NIPSNAP2: variants seen among roughly 807,000 people sequenced by gnomAD.
NIPSNAP2 encodes protein NipSnap homolog 2.
In NIPSNAP2, 42 loss-of-function variants were observed where a neutral mutation model predicts 48.4. The observed-to-expected ratio is 0.87, with a 90% CI of 0.68 to 1.12. The LOEUF (loss-of-function observed/expected upper bound fraction) is 1.12. Among genes scored for constraint, NIPSNAP2 ranks in the 50% most tolerant of loss-of-function variants. The pLI, the probability that NIPSNAP2 is intolerant of heterozygous loss-of-function variation, is 0.00. For synonymous variants in NIPSNAP2, 158 were observed against 126.6 expected (o/e 1.25, Z -1.67); for missense variants, 314 against 347.3 (o/e 0.90, Z 0.76).
At chr7:55,984,264 C>T (rs1787282397) in intron 6 of NIPSNAP2, among the ~76,000 whole-genome samples, 1 of 152,108 alleles carries the variant, frequency 6.6e-6, no homozygotes, top group Non-Finnish European at 1.5e-5. Context: ...AATTTTCCTA[C>T]TGAGGACTAG....
At chr7:55,990,608 G>C (rs1475579455) in intron 7 of NIPSNAP2, among the ~76,000 whole-genome samples, 1 of 152,022 alleles carries the variant, frequency 6.6e-6, no homozygotes, top group Admixed American at 6.6e-5. Flanking sequence ...TTCTTTGGCA[G>C]CTTGCTATTT....
In NIPSNAP2 at chr7:55,964,601, C is replaced by T; in HGVS notation, c.-9C>T. The T allele has an allele frequency of 9.8e-7, 1 of 1,017,722 alleles. No homozygotes were observed. Among genetic ancestry groups the T allele is most frequent in the Non-Finnish European group, 1.2e-6 (1 of 852,330 alleles). 63.0% of individuals were successfully genotyped at this position (1,017,722 alleles called of 1,614,324 possible). On this transcript the variant is annotated 5_prime_UTR_variant, in exon 1 of 10. Coordinates refer to ENST00000322090, the MANE Select transcript of NIPSNAP2 (RefSeq NM_001483.3). ...CGCCCGGGCGGTGGGAGCCGAGGCG[C>T]CGAGCAAGATGGCGGCGCGAGTGCT...
chr7:55,967,384 G>A (rs1310356333), intron 1 of NIPSNAP2, among the ~76,000 whole-genome samples: 1 of 152,142 alleles, frequency 6.6e-6, no homozygotes, highest in Non-Finnish European at 1.5e-5. Context: ...CATCTTCACT[G>A]CCCTAGCTCA....
intron 7 of NIPSNAP2, chr7:55,991,772 A>G (rs1401235270): frequency 3.4e-5 from 7 of 208,172 alleles, no homozygotes; most frequent in South Asian, 7.8e-5. Flanking sequence ...AAAAATATAT[A>G]TATATATATA....
intron 3 of NIPSNAP2, chr7:55,980,225 A>G (rs1787185823): frequency 5.6e-6 from 1 of 177,554 alleles, no homozygotes; most frequent in Admixed American, 5.6e-5. Flanking sequence ...TCCTAATTTA[A>G]AAAGTAAATG....
intron 1 of NIPSNAP2, among the ~76,000 whole-genome samples, chr7:55,967,996 C>T (rs1786933112): frequency 6.6e-6 from 1 of 151,926 alleles, no homozygotes; most frequent in South Asian, 2.1e-4. Context: ...GCTATGTTCC[C>T]CAGGCTAGTC....
rs1381271143 is a variant in NIPSNAP2, at chr7:55,983,791, T to C, written c.508T>C (p.Leu170=). Residue 170 remains leucine (L), a synonymous_variant, in exon 6 of 10, where the codon TTG becomes CTG. Coordinates refer to ENST00000322090, the MANE Select transcript of NIPSNAP2 (RefSeq NM_001483.3). ...TCTCTCCAGGAAGAATCAGCTCCTG[T>C]TGGAGTTCAGTTTCTGGAATGAGCC... ...MLLSRKNQLL[L]EFSFWNEPVP... is the part of the protein sequence containing the mutation. 4.3e-6 allele frequency: 7 copies of C among 1,614,102 alleles called. No homozygotes were observed. Among genetic ancestry groups the C allele is most frequent in the Non-Finnish European group, 5.9e-6 (7 of 1,179,964 alleles).
At chr7:55,969,345 G>A (rs1420228680) in intron 1 of NIPSNAP2, among the ~76,000 whole-genome samples, 1 of 151,164 alleles carries the variant, frequency 6.6e-6, no homozygotes, top group African/African-American at 2.4e-5. Context: ...TCTCCCCCGG[G>A]TCTGTGCTTC....
chr7:55,995,034 T>G, intron 8 of NIPSNAP2, 46 bp downstream of exon 8: 1 of 1,444,086 alleles, frequency 6.9e-7, no homozygotes, highest in Non-Finnish European at 9.8e-7. Flanking sequence ...AAGAGTTCAT[T>G]ACTAAGTTGT....
At chr7:55,985,730 A>G in intron 7 of NIPSNAP2, among the ~76,000 whole-genome samples, 1 of 141,184 alleles carries the variant, frequency 7.1e-6, no homozygotes, top group Admixed American at 7.5e-5. Flanking sequence ...TGGGCAACAG[A>G]GTGAGACCCT....
At chr7:55,989,402 A>T (rs1273398814) in intron 7 of NIPSNAP2, among the ~76,000 whole-genome samples, 1 of 152,144 alleles carries the variant, frequency 6.6e-6, no homozygotes, top group African/African-American at 2.4e-5. Context: ...AGGTGGGAGG[A>T]TCCCTTGAGC....
intron 8 of NIPSNAP2, among the ~76,000 whole-genome samples, chr7:55,996,183 T>A (rs902379622): frequency 1.3e-5 from 2 of 150,238 alleles, no homozygotes; most frequent in Non-Finnish European, 3.0e-5. Context: ...GTACACAAGA[T>A]GCTGAGGCAG....
rs74426507 is a variant in NIPSNAP2, at chr7:55,979,674, A to G, written c.278+1279A>G. 1,163 of 431,438 alleles carry G rather than the reference A, an allele frequency of 2.7e-3. 22 individuals carry two copies. The highest frequency in any genetic ancestry group is 0.013 in the East Asian group (179 of 14,296). The allele number at this position is 431,438 out of a possible 1,614,324, so 26.7% of individuals were successfully genotyped here. Reference sequence around the variant, plus strand: ...CTGTGTCTCCTTCCTGCCCTGCAATACATTACCCCAAAGTTTGTCAGATTG... The same window carrying G: ...CTGTGTCTCCTTCCTGCCCTGCAATGCATTACCCCAAAGTTTGTCAGATTG... On this transcript the variant is annotated intron_variant, in intron 3 of 9. Coordinates refer to ENST00000322090, the MANE Select transcript of NIPSNAP2 (RefSeq NM_001483.3).
At chr7:55,982,898 A>G (rs1787246663) in intron 5 of NIPSNAP2, among the ~76,000 whole-genome samples, 1 of 152,114 alleles carries the variant, frequency 6.6e-6, no homozygotes, top group Admixed American at 6.6e-5. Context: ...CAAGGCAGGC[A>G]TATCAGTTGA....
chr7:55,975,905 G>A (rs1787098016), intron 1 of NIPSNAP2, among the ~76,000 whole-genome samples: 1 of 152,150 alleles, frequency 6.6e-6, no homozygotes, highest in Non-Finnish European at 1.5e-5. Flanking sequence ...GTGCACGGTG[G>A]CACACCATGT....
At chr7:55,993,535 T>G (rs1175436422) in intron 7 of NIPSNAP2, among the ~76,000 whole-genome samples, 1 of 146,968 alleles carries the variant, frequency 6.8e-6, no homozygotes, top group Non-Finnish European at 1.5e-5. Flanking sequence ...GCCAAGATCG[T>G]ACCATTGCAT....
chr7:55,981,783 C>T (rs903227340), intron 4 of NIPSNAP2: 5 of 479,848 alleles, frequency 1.0e-5, no homozygotes, highest in Non-Finnish European at 1.5e-5. Context: ...TGATGTAACT[C>T]ATAGGCCAAA....
rs1786851228 is a variant in NIPSNAP2 at position 55,964,638 on chromosome 7, G to T, written c.29G>T (p.Gly10Val). ...GCGGCGCGAGTGCTGCGCGCCCGCG[G>T]AGCGGCCTGGGCCGGCGGCCTCCTG... MAARVLRAR[G>V]AAWAGGLLQR... Residue 10 changes from glycine (G) to valine (V), a missense_variant, in exon 1 of 10, where the codon GGA (glycine) becomes GTA (valine). Transcript: ENST00000322090. 1 of 1,078,536 alleles carries T rather than the reference G, an allele frequency of 9.3e-7. No individual in the cohort carries two copies. Among genetic ancestry groups the T allele is most frequent in the Non-Finnish European group, 1.1e-6 (1 of 891,208 alleles). 66.8% of individuals were successfully genotyped at this position (1,078,536 alleles called of 1,614,324 possible). A position where few individuals can be genotyped will look rare whatever the true frequency, so the allele number is the denominator to read the frequency against.
chr7:55,995,947 C>A lies in NIPSNAP2; in HGVS notation c.712+959C>A, dbSNP rs201226669. ...GAGCTATGACTGTGCCACTGCACTC[C>A]AGTCTGGGCAAATAGAGCAAGACCC... On this transcript the variant is annotated intron_variant, in intron 8 of 9. Transcript: ENST00000322090. Among the ~76,000 whole-genome samples, 541 of 152,172 alleles carry A rather than the reference C, an allele frequency of 3.6e-3. 5 individuals are homozygous for A. Among genetic ancestry groups the A allele is most frequent in the East Asian group, 0.02 (101 of 5,158 alleles).
Sources: allele counts gnomAD v4.1 joint callset (sites outside exome capture counted in the v4.1 genomes callset), GRCh38; gene constraint gnomAD v4.1.1; transcripts MANE v1.5; gene names NCBI Gene and HGNC (gene_info 2026-07-23, HGNC 2026-07-21).